Variants in OSTF1 observed in about 807,000 individuals in gnomAD.
The protein encoded by OSTF1 is osteoclast stimulating factor 1, also known as osteoclast-stimulating factor 1.
Under a neutral mutation model 37.2 loss-of-function variants are expected in OSTF1, and 27 were observed. That is an observed-to-expected ratio of 0.73 (90% CI 0.54 to 1.00). The LOEUF is 1.00. Among genes scored for constraint, OSTF1 ranks in the 50% least tolerant of loss-of-function variants. The pLI is 0.00. For missense variants in OSTF1, 232 were observed against 253.8 expected, an observed-to-expected ratio of 0.91 and a Z score of 0.58; for synonymous variants, 82 against 89.2, an observed-to-expected ratio of 0.92 and a Z score of 0.46.
intron 5 of OSTF1, 116 bp downstream of exon 5, chr9:75,131,939 TTTC>T (rs2118586686): frequency 1.4e-6 from 1 of 736,002 alleles, no homozygotes; most frequent in South Asian, 1.6e-5. Context: ...ATCTAGAACA[TTTC>T]TGCCATCCTA....
chr9:75,130,334 T>A (rs1825743188), intron 3 of OSTF1, among the ~76,000 whole-genome samples: 1 of 152,302 alleles, frequency 6.6e-6, no homozygotes, highest in East Asian at 1.9e-4. Context: ...CATCTCTTAT[T>A]TGTTTGGTTG....
intron 1 of OSTF1, among the ~76,000 whole-genome samples, chr9:75,094,143 G>A (rs1825030529): frequency 1.3e-5 from 2 of 152,190 alleles, no homozygotes; most frequent in African/African-American, 4.8e-5. Flanking sequence ...TGCCAGAGAT[G>A]TTATTGGGTT....
intron 1 of OSTF1, among the ~76,000 whole-genome samples, chr9:75,090,711 G>C (rs1441938423): frequency 6.6e-6 from 1 of 151,856 alleles, no homozygotes; most frequent in East Asian, 1.9e-4. Flanking sequence ...AGTGGGCCAT[G>C]CCTGTAATCC....
At chr9:75,137,277 C>T (rs906866865) in intron 7 of OSTF1, among the ~76,000 whole-genome samples, 9 of 152,192 alleles carry the variant, frequency 5.9e-5, no homozygotes, top group Non-Finnish European at 1.0e-4. Flanking sequence ...TCCTGGATCT[C>T]CCTCCGCAGG....
In OSTF1 at chr9:75,088,602, A is replaced by C; in HGVS notation, c.-91A>C. ...GGAGGCGCACGGTTGTAAGCCAGACAAAAAGAACTGGGGTGCCCGGAGTGC... is the reference window on the plus strand; with the variant it reads ...GGAGGCGCACGGTTGTAAGCCAGACCAAAAGAACTGGGGTGCCCGGAGTGC... On this transcript the variant is annotated 5_prime_UTR_variant, in exon 1 of 10. Coordinates refer to ENST00000346234, the MANE Select transcript of OSTF1 (RefSeq NM_012383.5). 3 of 1,400,960 alleles carry C rather than the reference A, an allele frequency of 2.1e-6. No homozygotes were observed. The highest frequency in any genetic ancestry group is 3.0e-6 in the Non-Finnish European group (3 of 1,008,050). The allele number at this position is 1,400,960 out of a possible 1,614,324, so 86.8% of individuals were successfully genotyped here. A position where few individuals can be genotyped will look rare whatever the true frequency, so the allele number is the denominator to read the frequency against.
chr9:75,097,045 C>T (rs1825099232), intron 1 of OSTF1, among the ~76,000 whole-genome samples: 1 of 152,190 alleles, frequency 6.6e-6, no homozygotes, highest in Non-Finnish European at 1.5e-5. Flanking sequence ...AGGACTTCAT[C>T]TGAAGGTATT....
chr9:75,135,846 G>T (rs983606914), intron 7 of OSTF1, among the ~76,000 whole-genome samples: 1 of 152,186 alleles, frequency 6.6e-6, no homozygotes, highest in Non-Finnish European at 1.5e-5. Context: ...TCTAACTGTA[G>T]TATTACTGAG....
At chr9:75,135,879 C>G (rs555177681) in intron 7 of OSTF1, among the ~76,000 whole-genome samples, 85 of 152,272 alleles carry the variant, frequency 5.6e-4, no homozygotes, top group African/African-American at 1.9e-3. Context: ...TAGAGGCCAC[C>G]CCTCTCTGTA....
rs375347554 is a variant in OSTF1 at position 75,116,117 on chromosome 9, T to A, written c.35-1387T>A. ...AGAATCTGTTTCAAATAATAATAAT[T>A]ATTATTATAATAATACAATAATACA... On this transcript the variant is annotated intron_variant, in intron 1 of 9. Coordinates refer to ENST00000346234, the MANE Select transcript of OSTF1 (RefSeq NM_012383.5). Among the ~76,000 whole-genome samples the A allele has an allele frequency of 3.6e-4, 54 of 151,688 alleles. 1 individual carries two copies. The highest frequency in any genetic ancestry group is 1.4e-3 in the Admixed American group (21 of 15,192).
At chr9:75,107,482 A>C (rs1210508748) in intron 1 of OSTF1, among the ~76,000 whole-genome samples, 5 of 152,154 alleles carry the variant, frequency 3.3e-5, no homozygotes, top group Non-Finnish European at 7.4e-5. Flanking sequence ...TTTCATTTTG[A>C]GAGCTCTAAG....
chr9:75,097,783 C>T (rs1480891189), intron 1 of OSTF1, among the ~76,000 whole-genome samples: 1 of 150,780 alleles, frequency 6.6e-6, no homozygotes, highest in Non-Finnish European at 1.5e-5. Context: ...GCAACAGCTC[C>T]ATTAGCACCA....
intron 1 of OSTF1, among the ~76,000 whole-genome samples, chr9:75,108,714 A>C (rs1001161119): frequency 6.6e-6 from 1 of 152,090 alleles, no homozygotes; most frequent in African/African-American, 2.4e-5. Flanking sequence ...GGAGATGAAG[A>C]GATTAAGTCT....
In OSTF1 at chr9:75,098,635, G is replaced by A. The variant is rs542883682; in HGVS notation, c.34+9909G>A. 3.9e-5 allele frequency among the ~76,000 whole-genome samples: 6 copies of A among 152,286 alleles called. No homozygotes were observed. The South Asian group carries it at 1.2e-3, about 32-fold the overall frequency. On this transcript the variant is annotated intron_variant, in intron 1 of 9. Transcript: ENST00000346234. The stretch of plus-strand genomic sequence containing the variant: ...AACATCAACTCTGTAGACCCAAGAT[G>A]TGAAAATACTACGTATTCTACTAGA...
At chr9:75,141,328 A>G (rs1825940728) in intron 9 of OSTF1, among the ~76,000 whole-genome samples, 1 of 151,088 alleles carries the variant, frequency 6.6e-6, no homozygotes, top group Non-Finnish European at 1.5e-5. Context: ...AAAAAAAAAA[A>G]AAAAAAAAAA....
At chr9:75,132,712 A>G (rs1398227013) in intron 5 of OSTF1, among the ~76,000 whole-genome samples, 1 of 152,200 alleles carries the variant, frequency 6.6e-6, no homozygotes, top group Non-Finnish European at 1.5e-5. Flanking sequence ...TGAAAAAGTA[A>G]AAGGACTAAA....
At chr9:75,128,278 A>G (rs1265516445) in intron 3 of OSTF1, among the ~76,000 whole-genome samples, 2 of 146,412 alleles carry the variant, frequency 1.4e-5, no homozygotes, top group African/African-American at 5.0e-5. Context: ...TAATTGGCCT[A>G]ACCACACAGA....
In OSTF1 at chr9:75,101,906, T is replaced by A. The variant is rs564055328; in HGVS notation, c.34+13180T>A. On this transcript the variant is annotated intron_variant, in intron 1 of 9. Coordinates refer to ENST00000346234, the MANE Select transcript of OSTF1 (RefSeq NM_012383.5). ...AATAAAGGGCACATTTATATCATCA[T>A]GTTGTCTTGCTAGCATGTGTCTTCA... Among the ~76,000 whole-genome samples the A allele has an allele frequency of 1.1e-4, 17 of 152,342 alleles. 1 individual carries two copies. The South Asian group carries it at 3.5e-3, about 32-fold the overall frequency.
chr9:75,092,442 C>T (rs574093508), intron 1 of OSTF1, among the ~76,000 whole-genome samples: 3 of 152,286 alleles, frequency 2.0e-5, no homozygotes, highest in African/African-American at 4.8e-5. Context: ...GTGTCATTCA[C>T]GAGGGTCCTG....
chr9:75,130,079 T>C (rs1260041203), intron 3 of OSTF1, among the ~76,000 whole-genome samples: 2 of 152,170 alleles, frequency 1.3e-5, no homozygotes, highest in Non-Finnish European at 2.9e-5. Context: ...TGGTCATTAA[T>C]AAATGATTTG....
Sources: gnomAD v4.1 joint callset for allele counts (sites outside exome capture counted in the v4.1 genomes callset) on GRCh38, gnomAD v4.1.1 for gene constraint, MANE v1.5 for transcripts, NCBI Gene and HGNC (gene_info 2026-07-23, HGNC 2026-07-21) for gene names.